The following CLDND1 variants were observed in gnomAD, a reference collection of about 807,000 sequenced individuals.
CLDND1 encodes claudin domain containing 1.
Under a neutral mutation model 26.3 loss-of-function variants are expected in CLDND1, and 13 were observed. The ratio of observed to expected loss-of-function variants is 0.49; its 90% confidence interval spans 0.32 to 0.78. The LOEUF (loss-of-function observed/expected upper bound fraction) is 0.78. CLDND1 is among the 30% of genes least tolerant of loss of function. The pLI is 0.03. For missense variants in CLDND1, 289 were observed against 312.8 expected (o/e 0.92, Z 0.57); for synonymous variants, 107 against 107.0 (o/e 1.00, Z 0.00).
intron 1 of CLDND1, chr3:98,521,745 A>G: frequency 6.5e-7 from 1 of 1,545,716 alleles, no homozygotes; most frequent in Middle Eastern, 1.7e-4. Flanking sequence ...CATTACAGAT[A>G]CAAACAATAG....
chr3:98,522,634 CCAGGG>C, intron 1 of CLDND1: 1 of 1,402,036 alleles, frequency 7.1e-7, no homozygotes, highest in Non-Finnish European at 9.2e-7. Context: ...CCGGAGAAGG[CCAGGG>C]CTGGGGCGGG....
At position 98,518,887 on chromosome 3, in the gene CLDND1, G is replaced by A; in HGVS notation, c.401C>T (p.Thr134Ile). ...CCTGGTGAAATCAAAGTACTCACAG[G>A]TCCTAAGGAGATCAATCCCGCTATT... ...NHNSGIDLLR[T>I]YLWRCQFLLP... Residue 134 changes from threonine (T) to isoleucine (I), a missense_variant and splice_region_variant, in exon 3 of 5, where the codon ACC becomes ATC. Coordinates refer to ENST00000341181, the MANE Select transcript of CLDND1 (RefSeq NM_001040181.2). 6.4e-7 allele frequency: 1 copy of A among 1,573,410 alleles called. No individual in the cohort carries two copies. The highest frequency in any genetic ancestry group is 8.7e-7 in the Non-Finnish European group (1 of 1,143,064).
intron 3 of CLDND1, among the ~76,000 whole-genome samples, chr3:98,518,021 G>C (rs916040820): frequency 2.0e-5 from 3 of 152,138 alleles, no homozygotes; most frequent in Non-Finnish European, 2.9e-5. Context: ...TCTAAAGGTA[G>C]TTTTAATTAT....
rs147071610 is a variant in CLDND1 at position 98,516,837 on chromosome 3, A to G, written c.584T>C (p.Ile195Thr). 3.6e-3 allele frequency: 5,741 copies of G among 1,614,228 alleles called. 11 individuals carry two copies. The highest frequency in any genetic ancestry group is 4.5e-3 in the Non-Finnish European group (5,342 of 1,180,038). The change falls in exon 5 of 5, where the codon ATT becomes ACT. Residue 195 changes from isoleucine (I) to threonine (T), a missense_variant. Ile to Thr is a moderately conservative substitution (Grantham distance 89). Transcript: ENST00000341181. ...CTCTAGTTTCTGGTGGAGTAGTTCAATTCCAGCAACATAACAACTTACTGA... is the reference window on the plus strand; with the variant it reads ...CTCTAGTTTCTGGTGGAGTAGTTCAGTTCCAGCAACATAACAACTTACTGA... ...LGSVSCYVAG[I>T]ELLHQKLELP...
intron 1 of CLDND1, 57 bp from the exon 2 acceptor site, chr3:98,521,499 T>C: frequency 6.5e-7 from 1 of 1,538,058 alleles, no homozygotes; most frequent in Non-Finnish European, 8.9e-7. Context: ...ATAAGAAAGA[T>C]TATTTTGAAT....
chr3:98,519,032 A>C, intron 2 of CLDND1, 37 bp from the exon 3 acceptor site: 1 of 1,175,070 alleles, frequency 8.5e-7, no homozygotes, highest in Non-Finnish European at 1.3e-6. Context: ...TTTAATTATA[A>C]ACATTTAACA....
chr3:98,520,250 C>T lies in CLDND1; in HGVS notation c.292+883G>A, dbSNP rs144358078. On this transcript the variant is annotated intron_variant, in intron 2 of 4. Transcript: ENST00000341181. ...CCAACTCCAATTTCAATATCAAGTG[C>T]TCCTGTAACCTCATAAGTCAAACTG... Among the ~76,000 whole-genome samples the T allele has an allele frequency of 2.0e-4, 31 of 152,334 alleles. No individual in the cohort carries two copies. The East Asian group carries it at 6.0e-3, about 29-fold the overall frequency.
At chr3:98,516,995 T>G in intron 4 of CLDND1, 57 bp downstream of exon 4, 3 of 1,610,312 alleles carry the variant, frequency 1.9e-6, no homozygotes, top group Admixed American at 3.4e-5. Flanking sequence ...TTTATAACTC[T>G]TTGGTCCCTA....
In CLDND1 at chr3:98,516,445, G is replaced by C; in HGVS notation, c.*214C>G. 1 of 1,342,844 alleles carries C rather than the reference G, an allele frequency of 7.4e-7. No homozygotes were observed. The highest frequency in any genetic ancestry group is 9.5e-7 in the Non-Finnish European group (1 of 1,051,230). The allele number at this position is 1,342,844 out of a possible 1,614,324, so 83.2% of individuals were successfully genotyped here. A position where few individuals can be genotyped will look rare whatever the true frequency, so the allele number is the denominator to read the frequency against. ...TTTCTTTCTGTCTAGACCTAGATTA[G>C]TTTATTTGAAAGATGGCATCGCTTA... On this transcript the variant is annotated 3_prime_UTR_variant, in exon 5 of 5. Coordinates refer to ENST00000341181, the MANE Select transcript of CLDND1 (RefSeq NM_001040181.2).
In CLDND1 at chr3:98,521,345, A is replaced by G. The variant is rs200608016; in HGVS notation, c.80T>C (p.Ile27Thr). ...LISTIYMAAS[I>T]GTDFWYEYRS... ...ATATTCATACCAGAAGTCTGTGCCA[A>G]TGGAGGCTGCCATGTAGATGGTGGA... The change falls in exon 2 of 5, where the codon ATT becomes ACT. Residue 27 changes from isoleucine (I) to threonine (T), a missense_variant. Ile to Thr is a moderately conservative substitution (Grantham distance 89). Coordinates refer to ENST00000341181, the MANE Select transcript of CLDND1 (RefSeq NM_001040181.2). 5.0e-6 allele frequency: 8 copies of G among 1,614,214 alleles called. No homozygotes were observed. The highest frequency in any genetic ancestry group is 1.7e-5 in the Admixed American group (1 of 60,028).
intron 2 of CLDND1, 90 bp from the exon 3 acceptor site, chr3:98,519,085 G>T (rs1256017348): frequency 5.1e-6 from 4 of 790,950 alleles, no homozygotes; most frequent in Admixed American, 2.4e-5. Context: ...AAACAGTAAA[G>T]GATGTTTCCA....
Position 98,521,358 on chromosome 3 carries a change from T to C in CLDND1, c.67A>G (p.Met23Val), listed in dbSNP as rs768533422. 5.6e-6 allele frequency: 9 copies of C among 1,614,210 alleles called. No individual in the cohort carries two copies. Among genetic ancestry groups the C allele is most frequent in the East Asian group, 2.2e-5 (1 of 44,886 alleles). The change falls in exon 2 of 5, where the codon ATG becomes GTG. Residue 23 changes from methionine (M) to valine (V), a missense_variant. Coordinates refer to ENST00000341181, the MANE Select transcript of CLDND1 (RefSeq NM_001040181.2). Reference sequence around the variant, plus strand: ...AAGTCTGTGCCAATGGAGGCTGCCATGTAGATGGTGGAAATGAGGCTAAGC... The same window carrying C: ...AAGTCTGTGCCAATGGAGGCTGCCACGTAGATGGTGGAAATGAGGCTAAGC... ...CVLSLISTIYMAASIGTDFWY... is the reference protein window; with the variant it reads ...CVLSLISTIYVAASIGTDFWY...
At position 98,515,826 on chromosome 3, in the gene CLDND1, T is replaced by A. The variant is rs1706116883; in HGVS notation, c.*833A>T. The A allele has an allele frequency of 2.3e-6, 3 of 1,289,392 alleles. No homozygotes were observed. Among genetic ancestry groups the A allele is most frequent in the Non-Finnish European group, 3.0e-6 (3 of 988,664 alleles). The allele number at this position is 1,289,392 out of a possible 1,614,324, so 79.9% of individuals were successfully genotyped here. On this transcript the variant is annotated 3_prime_UTR_variant, in exon 5 of 5. Transcript: ENST00000341181. ...CATTATGGTGAAACGTTCTTTATAG[T>A]ACTGGGCTGGAATAAATAAATAGCA...
intron 2 of CLDND1, among the ~76,000 whole-genome samples, chr3:98,520,250 C>G (rs144358078): frequency 1.3e-5 from 2 of 152,216 alleles, no homozygotes; most frequent in African/African-American, 4.8e-5. Flanking sequence ...ATATCAAGTG[C>G]TCCTGTAACC....
chr3:98,520,349 C>T (rs1335852142), intron 2 of CLDND1, among the ~76,000 whole-genome samples: 3 of 152,146 alleles, frequency 2.0e-5, no homozygotes, highest in Non-Finnish European at 4.4e-5. Context: ...GATACAGTGA[C>T]ATATTATCAT....
At position 98,516,184 on chromosome 3, in the gene CLDND1, T is replaced by A; in HGVS notation, c.*475A>T. On this transcript the variant is annotated 3_prime_UTR_variant, in exon 5 of 5. Coordinates refer to ENST00000341181, the MANE Select transcript of CLDND1 (RefSeq NM_001040181.2). ...GATAATTTCCCAATTTTATAGAGCTTAAATCTTTGAAAACAGCACTAATAC... is the reference window on the plus strand; with the variant it reads ...GATAATTTCCCAATTTTATAGAGCTAAAATCTTTGAAAACAGCACTAATAC... The A allele has an allele frequency of 9.5e-7, 1 of 1,049,836 alleles. No homozygotes were observed. Among genetic ancestry groups the A allele is most frequent in the Non-Finnish European group, 1.2e-6 (1 of 869,266 alleles). The allele number at this position is 1,049,836 out of a possible 1,614,324, so 65.0% of individuals were successfully genotyped here.
intron 3 of CLDND1, among the ~76,000 whole-genome samples, chr3:98,517,622 T>C (rs1321751374): frequency 1.3e-5 from 2 of 152,212 alleles, no homozygotes; most frequent in Non-Finnish European, 2.9e-5. Context: ...TTGTATTGGG[T>C]ATTATAAGCA....
At position 98,515,736 on chromosome 3, in the gene CLDND1, T is replaced by C. The variant is rs1706109444; in HGVS notation, c.*923A>G. Reference sequence around the variant, plus strand: ...ATATTACCACAAGAAATAAAGACCATAGTTGGAGGTTAATGGACAGCCAGA... The same window carrying C: ...ATATTACCACAAGAAATAAAGACCACAGTTGGAGGTTAATGGACAGCCAGA... On this transcript the variant is annotated 3_prime_UTR_variant, in exon 5 of 5. Transcript: ENST00000341181. 3 of 1,289,644 alleles carry C rather than the reference T, an allele frequency of 2.3e-6. No individual in the cohort carries two copies. The highest frequency in any genetic ancestry group is 2.3e-5 in the Admixed American group (1 of 43,548). 79.9% of individuals were successfully genotyped at this position (1,289,644 alleles called of 1,614,324 possible).
intron 2 of CLDND1, among the ~76,000 whole-genome samples, chr3:98,519,619 G>A (rs1706314561): frequency 6.6e-6 from 1 of 152,166 alleles, no homozygotes; most frequent in Non-Finnish European, 1.5e-5. Context: ...GCTCAGCACT[G>A]TATCTGGAGT....
Sources: gnomAD v4.1 joint callset for allele counts (sites outside exome capture counted in the v4.1 genomes callset) on GRCh38, gnomAD v4.1.1 for gene constraint, MANE v1.5 for transcripts, NCBI Gene and HGNC (gene_info 2026-07-23, HGNC 2026-07-21) for gene names.